The following DNASE1 variants were observed in gnomAD, a reference collection of about 807,000 sequenced individuals.
The protein encoded by DNASE1 is deoxyribonuclease-1.
DNASE1 carries 40 observed loss-of-function variants against 33.9 expected under a neutral mutation model. That is an observed-to-expected ratio of 1.18 (90% CI 0.92 to 1.54). The LOEUF (loss-of-function observed/expected upper bound fraction) is 1.54, where lower values mean the gene tolerates loss of function less well. DNASE1 is among the 40% of genes most tolerant of loss of function. The pLI is 0.00. For synonymous variants in DNASE1, 216 were observed against 160.0 expected, an observed-to-expected ratio of 1.35 and a Z score of -2.64; for missense variants, 518 against 372.6, an observed-to-expected ratio of 1.39 and a Z score of -3.21.
At chr16:3,646,621 T>C (rs565315242) in intron 1 of DNASE1, among the ~76,000 whole-genome samples, 7 of 152,270 alleles carry the variant, frequency 4.6e-5, no homozygotes, top group African/African-American at 1.7e-4. Flanking sequence ...ACGTAGGTCA[T>C]GGAAAGCATT....
At chr16:3,653,422 G>A (rs2042405305), upstream of DNASE1, 1 of 152,212 alleles carries the variant, frequency 6.6e-6, no homozygotes, top group African/African-American at 2.4e-5. Flanking sequence ...TCCAAGAAAT[G>A]AGTGGCGGGG....
At chr16:3,660,509 C>T (rs1596678077), downstream of DNASE1, 1 of 151,830 alleles carries the variant, frequency 6.6e-6, no homozygotes. Context: ...ACGAGCACTT[C>T]TGCAGCTATC....
intron 1 of DNASE1, among the ~76,000 whole-genome samples, chr16:3,622,749 G>C (rs1388777647): frequency 1.3e-5 from 2 of 152,104 alleles, no homozygotes; most frequent in African/African-American, 4.8e-5. Context: ...ACTGTACCTG[G>C]CTTGGCTTTG....
At chr16:3,658,934 G>T, downstream of DNASE1, 1 of 1,500,960 alleles carries the variant, frequency 6.7e-7, no homozygotes, top group Non-Finnish European at 9.2e-7. Flanking sequence ...TCATGTTTTG[G>T]GATTATCAGG....
At chr16:3,626,687 C>G (rs989837810) in intron 1 of DNASE1, among the ~76,000 whole-genome samples, 2 of 152,138 alleles carry the variant, frequency 1.3e-5, no homozygotes, top group African/African-American at 4.8e-5. Flanking sequence ...TTTCTGTCTA[C>G]TGGTTCTATG....
chr16:3,643,598 C>T (rs370638497), intron 1 of DNASE1, among the ~76,000 whole-genome samples: 19 of 152,226 alleles, frequency 1.2e-4, no homozygotes, highest in African/African-American at 4.1e-4. Flanking sequence ...CTCCGCCCTT[C>T]TGTCACGCAC....
chr16:3,620,050 G>A (rs1288903261), intron 1 of DNASE1, among the ~76,000 whole-genome samples: 3 of 151,790 alleles, frequency 2.0e-5, no homozygotes, highest in African/African-American at 7.3e-5. Flanking sequence ...TGAGTAGCTG[G>A]GACTACGGGC....
At chr16:3,644,538 G>A (rs903937281) in intron 1 of DNASE1, among the ~76,000 whole-genome samples, 1 of 152,268 alleles carries the variant, frequency 6.6e-6, no homozygotes, top group Middle Eastern at 3.4e-3. Context: ...ACTCCAGCCT[G>A]GGCAACAGAG....
At chr16:3,662,528 C>G (rs116535324), downstream of DNASE1, 99 of 531,846 alleles carry the variant, frequency 1.9e-4, no homozygotes, top group African/African-American at 1.6e-3. Flanking sequence ...ACCCAAAACC[C>G]CCGACTAAGC....
intron 1 of DNASE1, among the ~76,000 whole-genome samples, chr16:3,619,058 G>A (rs557998487): frequency 7.3e-5 from 11 of 150,918 alleles, no homozygotes; most frequent in Non-Finnish European, 1.0e-4. Flanking sequence ...TTTTTGAGAC[G>A]GGGTTACACT....
intron 1 of DNASE1, among the ~76,000 whole-genome samples, chr16:3,649,505 CTG>C (rs2042270340): frequency 1.3e-5 from 2 of 152,166 alleles, no homozygotes; most frequent in African/African-American, 4.8e-5. Context: ...ATTTGTAGAA[CTG>C]AGAATTTCTT....
At chr16:3,657,366 C>T (rs752178006) in intron 7 of DNASE1, 25 bp downstream of exon 7, 3 of 1,609,304 alleles carry the variant, frequency 1.9e-6, no homozygotes, top group South Asian at 1.1e-5. Context: ...GCGCTTAGGG[C>T]AGACTGAGGG....
At chr16:3,662,319 CAA>C, downstream of DNASE1, 1 of 715,906 alleles carries the variant, frequency 1.4e-6, no homozygotes, top group Non-Finnish European at 2.2e-6. Flanking sequence ...ATGCCCCACG[CAA>C]AGATACTGTG....
Position 3,655,946 on chromosome 16 carries a change from C to T in DNASE1, c.236+9C>T. On this transcript the variant is annotated intron_variant, in intron 3 of 8. Transcript: ENST00000246949. ...CTGGACAACCTCAATCAGTGGGTGA[C>T]AGTGGCAGGGTCATAGGAAGGTGAC... 1 of 1,613,672 alleles carries T rather than the reference C, an allele frequency of 6.2e-7. No homozygotes were observed.
chr16:3,626,309 T>C (rs10852636), intron 1 of DNASE1, among the ~76,000 whole-genome samples: 72,084 of 151,804 alleles, frequency 0.47, 19,856 homozygotes, highest in African/African-American at 0.78. Context: ...CCACAGTGAG[T>C]GATCACTAAA....
Position 3,655,186 on chromosome 16 carries a change from C to T in DNASE1, c.-2+142C>T. The stretch of plus-strand genomic sequence containing the variant: ...GGTTTTCTGGTGGATGGAGGAGTGA[C>T]TCGGGGTCCTCTACGTGGTGCCAGC... On this transcript the variant is annotated intron_variant, in intron 1 of 8. Coordinates refer to ENST00000246949, the MANE Select transcript of DNASE1 (RefSeq NM_005223.4). 3 of 752,018 alleles carry T rather than the reference C, an allele frequency of 4.0e-6. No homozygotes were observed. The South Asian group carries it at 5.5e-5, about 14-fold the overall frequency. 46.6% of individuals were successfully genotyped at this position (752,018 alleles called of 1,614,324 possible).
At position 3,657,317 on chromosome 16, in the gene DNASE1, C is replaced by T. The variant is rs1372616466; in HGVS notation, c.680C>T (p.Thr227Ile). Residue 227 changes from threonine to isoleucine, a missense_variant, in exon 7 of 9, where the codon ACA becomes ATA. By Grantham distance (89) the Thr-to-Ile change is moderately conservative. Transcript: ENST00000246949. ...LIPDSADTTA[T>I]PTHCAYDRIV... is the part of the protein sequence containing the mutation. ...CCCGACAGCGCTGACACCACAGCTA[C>T]ACCCACGCACTGTGCCTATGACAGG... The T allele has an allele frequency of 1.6e-5, 26 of 1,613,570 alleles. No individual in the cohort carries two copies. The highest frequency in any genetic ancestry group is 2.2e-5 in the East Asian group (1 of 44,902).
At chr16:3,662,319 C>G, downstream of DNASE1, 1 of 715,906 alleles carries the variant, frequency 1.4e-6, no homozygotes, top group Non-Finnish European at 2.2e-6. Context: ...ATGCCCCACG[C>G]AAAGATACTG....
At chr16:3,658,233 G>T (rs1176995416), downstream of DNASE1, 3 of 1,612,490 alleles carry the variant, frequency 1.9e-6, no homozygotes, top group Non-Finnish European at 2.5e-6. Flanking sequence ...TCGTATATCT[G>T]AAAGGCAAGA....
Sources: gnomAD v4.1 joint callset for allele counts (sites outside exome capture counted in the v4.1 genomes callset) on GRCh38, gnomAD v4.1.1 for gene constraint, MANE v1.5 for transcripts, NCBI Gene and HGNC (gene_info 2026-07-23, HGNC 2026-07-21) for gene names.